TRMT6: variants seen among roughly 807,000 people sequenced by gnomAD.
The protein encoded by TRMT6 is tRNA methyltransferase 6 non-catalytic subunit.
In TRMT6, 34 loss-of-function variants were observed where a neutral mutation model predicts 59.0. The ratio of observed to expected loss-of-function variants is 0.58; its 90% CI spans 0.44 to 0.77. The LOEUF (loss-of-function observed/expected upper bound fraction) is 0.77. TRMT6 is among the 30% of genes least tolerant of loss of function. TRMT6 has a pLI of 0.00. For missense variants in TRMT6, 575 were observed against 604.5 expected (o/e 0.95, Z 0.51); for synonymous variants, 217 against 210.5 (o/e 1.03, Z -0.27).
chr20:5,945,759 T>C (rs2088700481), intron 2 of TRMT6, among the ~76,000 whole-genome samples: 1 of 152,192 alleles, frequency 6.6e-6, no homozygotes, highest in South Asian at 2.1e-4. Flanking sequence ...TAAGATACTC[T>C]CAATGTTCAT....
At chr20:5,943,139 G>A (rs1393387182) in intron 6 of TRMT6, among the ~76,000 whole-genome samples, 1 of 152,014 alleles carries the variant, frequency 6.6e-6, no homozygotes, top group East Asian at 1.9e-4. Context: ...CCTTCTATGG[G>A]GTCAGAAAAA....
intron 4 of TRMT6, 62 bp downstream of exon 4, chr20:5,944,100 T>C: frequency 2.9e-6 from 4 of 1,366,876 alleles, no homozygotes; most frequent in Non-Finnish European, 4.0e-6. Flanking sequence ...TAATAAAATG[T>C]ATATTTTATA....
intron 10 of TRMT6, among the ~76,000 whole-genome samples, chr20:5,939,533 T>C (rs1221043521): frequency 1.3e-5 from 2 of 151,214 alleles, no homozygotes; most frequent in Non-Finnish European, 2.9e-5. Flanking sequence ...CAGTTTTCAG[T>C]TCAGCCCAGG....
At chr20:5,945,018 G>A (rs866134919) in intron 2 of TRMT6, 104 bp from the exon 3 acceptor site, 3 of 863,608 alleles carry the variant, frequency 3.5e-6, no homozygotes, top group Middle Eastern at 4.6e-4. Flanking sequence ...ACTCAAGTCT[G>A]GCCTCCCAGC....
Position 5,950,287 on chromosome 20 carries a change from T to C in TRMT6, c.119A>G (p.Gln40Arg), listed in dbSNP as rs199968515. ...REDVFKAVQVQRRKKVTFEKQ... is the reference protein window; with the variant it reads ...REDVFKAVQVRRRKKVTFEKQ... The stretch of plus-strand genomic sequence containing the variant: ...CAGCGATCTGACTTACTTTCTCCGC[T>C]GGACTTGTACTGCTTTAAACACATC... Residue 40 changes from glutamine (Q) to arginine (R), a missense_variant, in exon 1 of 11, where the codon CAG becomes CGG. Transcript: ENST00000203001. 1 of 1,607,558 alleles carries C rather than the reference T, an allele frequency of 6.2e-7. No individual in the cohort carries two copies. Among genetic ancestry groups the C allele is most frequent in the Non-Finnish European group, 8.5e-7 (1 of 1,175,620 alleles).
Position 5,942,674 on chromosome 20 carries a change from G to T in TRMT6, c.780C>A (p.Asn260Lys), listed in dbSNP as rs370414413. 3 of 1,613,998 alleles carry T rather than the reference G, an allele frequency of 1.9e-6. No individual in the cohort carries two copies. The African/African-American group carries it at 4.0e-5, about 22-fold the overall frequency. Reference sequence around the variant, plus strand: ...TTCCATGTAGAAGACTGTCCACTTTGTTGAGAGGGAATTCATAAAGACCAC... The same window carrying T: ...TTCCATGTAGAAGACTGTCCACTTTTTTGAGAGGGAATTCATAAAGACCAC... ...FLSGLYEFPL[N>K]KVDSLLHGTF... The change falls in exon 7 of 11, where the codon AAC becomes AAA. Residue 260 changes from asparagine to lysine, a missense_variant. Asn to Lys is a moderately conservative substitution (Grantham distance 94). Transcript: ENST00000203001.
chr20:5,942,684 A>C lies in TRMT6; in HGVS notation c.770T>G (p.Phe257Cys). 1 of 1,614,116 alleles carries C rather than the reference A, an allele frequency of 6.2e-7. No homozygotes were observed. The highest frequency in any genetic ancestry group is 8.5e-7 in the Non-Finnish European group (1 of 1,180,008). The change falls in exon 7 of 11, where the codon TTC becomes TGC. Residue 257 changes from phenylalanine (F) to cysteine (C), a missense_variant. Phe to Cys is a radical substitution (Grantham distance 205, BLOSUM62 -2). Transcript: ENST00000203001. Reference protein sequence around the residue: ...PKSFLSGLYEFPLNKVDSLLH... With the variant: ...PKSFLSGLYECPLNKVDSLLH... ...AAGACTGTCCACTTTGTTGAGAGGG[A>C]ATTCATAAAGACCACTGAGAAAAGA... is the stretch of plus-strand genomic sequence containing the variant.
chr20:5,949,989 CTG>C (rs1033160382), intron 1 of TRMT6, among the ~76,000 whole-genome samples: 1 of 152,056 alleles, frequency 6.6e-6, no homozygotes, highest in Admixed American at 6.6e-5. Context: ...GGAAGGAACT[CTG>C]TGGAAAGACT....
chr20:5,946,321 C>T, intron 2 of TRMT6, 85 bp downstream of exon 2: 1 of 1,551,400 alleles, frequency 6.4e-7, no homozygotes, highest in Non-Finnish European at 8.9e-7. Context: ...ATAGCATGGC[C>T]TAGCACTTGG....
chr20:5,943,872 T>C lies in TRMT6; in HGVS notation c.542+76A>G, dbSNP rs966185388. The C allele has an allele frequency of 4.5e-6, 7 of 1,555,568 alleles. No homozygotes were observed. The African/African-American group carries it at 6.9e-5, about 15-fold the overall frequency. On this transcript the variant is annotated intron_variant, in intron 5 of 10. Coordinates refer to ENST00000203001, the MANE Select transcript of TRMT6 (RefSeq NM_015939.5). ...ACTTTATGCAGGTGAGCAAGCTTTT[T>C]CATTTTACTTAAAATCATGACTTTC... is the stretch of plus-strand genomic sequence containing the variant.
intron 1 of TRMT6, among the ~76,000 whole-genome samples, chr20:5,946,759 C>T (rs1370766008): frequency 6.6e-6 from 1 of 152,110 alleles, no homozygotes; most frequent in East Asian, 1.9e-4. Flanking sequence ...GAAGCAAAGA[C>T]TCATCGAAGT....
chr20:5,949,308 C>A (rs1420193125), intron 1 of TRMT6, among the ~76,000 whole-genome samples: 1 of 152,140 alleles, frequency 6.6e-6, no homozygotes, highest in African/African-American at 2.4e-5. Context: ...CTGCAATGAG[C>A]CGAGATTGCA....
At chr20:5,939,026 C>T (rs549309288) in intron 10 of TRMT6, among the ~76,000 whole-genome samples, 1 of 152,080 alleles carries the variant, frequency 6.6e-6, no homozygotes, top group South Asian at 2.1e-4. Flanking sequence ...TAACCTCGAA[C>T]TCCTGGCCTC....
chr20:5,939,163 A>G (rs1385457550), intron 10 of TRMT6, among the ~76,000 whole-genome samples: 2 of 152,168 alleles, frequency 1.3e-5, no homozygotes, highest in African/African-American at 4.8e-5. Flanking sequence ...AAAAGTGTAG[A>G]AATTGGTTTA....
At chr20:5,949,780 G>A (rs187266630) in intron 1 of TRMT6, among the ~76,000 whole-genome samples, 38 of 152,210 alleles carry the variant, frequency 2.5e-4, no homozygotes, top group African/African-American at 8.7e-4. Context: ...TAGGGAAGAA[G>A]GAGGATCTAT....
chr20:5,949,321 A>G (rs2088748613), intron 1 of TRMT6, among the ~76,000 whole-genome samples: 1 of 152,222 alleles, frequency 6.6e-6, no homozygotes, highest in Non-Finnish European at 1.5e-5. Context: ...AGATTGCACT[A>G]CTGCCCTAAA....
intron 10 of TRMT6, among the ~76,000 whole-genome samples, 184 bp from the exon 11 acceptor site, chr20:5,938,910 TCCTTCCTCCCTC>T (rs996914425): frequency 2.0e-5 from 3 of 146,940 alleles, no homozygotes; most frequent in African/African-American, 5.0e-5. Flanking sequence ...TTCCTTCCCT[TCCTTCCTCCCTC>T]CCTTCCTTCC....
rs1009126940 is a variant in TRMT6, at chr20:5,937,358, A to T, written c.*1177T>A. On this transcript the variant is annotated 3_prime_UTR_variant, in exon 11 of 11. Coordinates refer to ENST00000203001, the MANE Select transcript of TRMT6 (RefSeq NM_015939.5). Reference sequence around the variant, plus strand: ...TTTCTGAGATGTTCCTTGCTGTATGATACAGGCCTATTCTATGACAGGAGC... The same window carrying T: ...TTTCTGAGATGTTCCTTGCTGTATGTTACAGGCCTATTCTATGACAGGAGC... The T allele has an allele frequency of 6.6e-6, 1 of 152,224 alleles. No homozygotes were observed. The highest frequency in any genetic ancestry group is 2.4e-5 in the African/African-American group (1 of 41,444). 9.4% of individuals were successfully genotyped at this position (152,224 alleles called of 1,614,324 possible). A position where few individuals can be genotyped will look rare whatever the true frequency, so the allele number is the denominator to read the frequency against.
At position 5,938,569 on chromosome 20, in the gene TRMT6, G is replaced by C. The variant is rs753372675; in HGVS notation, c.1460C>G (p.Ala487Gly). ...AGACTCTGGGCATTTTCGTTTTTTA[G>C]CTGCAGGCTCCTCAGTCTCGTGTGA... ...LESHETEEPA[A>G]KKRKCPESDS The change falls in exon 11 of 11, where the codon GCT (alanine) becomes GGT (glycine). Residue 487 changes from alanine to glycine, a missense_variant. Coordinates refer to ENST00000203001, the MANE Select transcript of TRMT6 (RefSeq NM_015939.5). 2 of 1,614,072 alleles carry C rather than the reference G, an allele frequency of 1.2e-6. No homozygotes were observed. Among genetic ancestry groups the C allele is most frequent in the Admixed American group, 3.3e-5 (2 of 60,012 alleles).
Sources: gnomAD v4.1 joint callset for allele counts (sites outside exome capture counted in the v4.1 genomes callset) on GRCh38, gnomAD v4.1.1 for gene constraint, MANE v1.5 for transcripts, NCBI Gene and HGNC (gene_info 2026-07-23, HGNC 2026-07-21) for gene names.